The following LINGO1 variants were observed in gnomAD, a reference collection of about 807,000 sequenced individuals.
LINGO1 encodes the protein leucine rich repeat and Ig domain containing 1.
Under a neutral mutation model 37.3 loss-of-function variants are expected in LINGO1, and 11 were observed. The ratio of observed to expected loss-of-function variants is 0.29; its 90% CI spans 0.19 to 0.49. LINGO1 has a LOEUF of 0.49. Ranked by LOEUF, LINGO1 falls within the 20% of genes least tolerant of loss-of-function variation. The pLI, the probability that LINGO1 is intolerant of heterozygous loss-of-function variation, is 0.99. For missense variants in LINGO1, 585 were observed against 878.2 expected (o/e 0.67, Z 4.22); for synonymous variants, 387 against 403.0 (o/e 0.96, Z 0.48).
intron 1 of LINGO1, among the ~76,000 whole-genome samples, chr15:77,692,246 A>C (rs2075616914): frequency 6.6e-6 from 1 of 152,376 alleles, no homozygotes; most frequent in East Asian, 1.9e-4. Context: ...GTGAGGGAAC[A>C]ATGATTACCT....
chr15:77,691,010 A>T (rs2075593425), intron 1 of LINGO1: 1 of 152,274 alleles, frequency 6.6e-6, no homozygotes, highest in African/African-American at 2.4e-5. Flanking sequence ...AGACCAAAGG[A>T]AGATCCCTGG....
chr15:77,750,238 G>C (rs555809682), intron 1 of LINGO1, among the ~76,000 whole-genome samples: 63 of 152,136 alleles, frequency 4.1e-4, no homozygotes, highest in African/African-American at 1.4e-3. Context: ...CTGCCTTCCC[G>C]TGAGGCCGCC....
At chr15:77,755,084 G>GTC (rs2076407015) in intron 1 of LINGO1, among the ~76,000 whole-genome samples, 5 of 152,194 alleles carry the variant, frequency 3.3e-5, no homozygotes, top group Admixed American at 6.5e-5. Context: ...CTCCCTTGAG[G>GTC]CCAAGGCCCT....
chr15:77,720,673 T>A, intron 2 of LINGO1: 2 of 152,322 alleles, frequency 1.3e-5, no homozygotes, highest in Admixed American at 1.3e-4. Flanking sequence ...CATAATTAAG[T>A]CAAGCAAGCT....
At chr15:77,627,254 C>T (rs1476287541) in intron 1 of LINGO1, among the ~76,000 whole-genome samples, 2 of 152,078 alleles carry the variant, frequency 1.3e-5, no homozygotes, top group Admixed American at 6.5e-5. Context: ...CCCCGGTGCT[C>T]GTCTTTAACC....
chr15:77,820,276 C>G (rs2077086936), exon 1 of LINGO1: 1 of 152,264 alleles, frequency 6.6e-6, no homozygotes, highest in Non-Finnish European at 1.5e-5. Context: ...ACCGGCCCCA[C>G]CCGGGGGCCC....
chr15:77,768,977 T>C (rs2076557355), intron 1 of LINGO1, among the ~76,000 whole-genome samples: 1 of 152,198 alleles, frequency 6.6e-6, no homozygotes, highest in Non-Finnish European at 1.5e-5. Flanking sequence ...GTCCCCTCCA[T>C]AGAACCCTGC....
upstream of LINGO1, among the ~76,000 whole-genome samples, chr15:77,700,771 A>G (rs558968697): frequency 6.6e-6 from 1 of 152,342 alleles, no homozygotes; most frequent in East Asian, 1.9e-4. Context: ...AGCCAGAGCC[A>G]GCAAGGTCAG....
chr15:77,808,035 C>T (rs1334334492), intron 1 of LINGO1, among the ~76,000 whole-genome samples: 1 of 152,092 alleles, frequency 6.6e-6, no homozygotes, highest in Non-Finnish European at 1.5e-5. Context: ...AGGAGATGAG[C>T]CTTACCCATG....
chr15:77,629,153 C>T (rs2074179820), intron 1 of LINGO1, among the ~76,000 whole-genome samples: 1 of 152,168 alleles, frequency 6.6e-6, no homozygotes, highest in South Asian at 2.1e-4. Flanking sequence ...AGACTTGAGC[C>T]CAGACTTTTG....
In LINGO1 at chr15:77,621,494, G is replaced by C. The variant is rs139112203; in HGVS notation, c.7-5594C>G. On this transcript the variant is annotated intron_variant, in intron 1 of 1. Coordinates refer to ENST00000355300, the MANE Select transcript of LINGO1 (RefSeq NM_032808.7). ...GGTCACAAAGCCAGAGGGGGGCAGA[G>C]CTCTGTGTCTCCTAGTTGGGCTGCC... Among the ~76,000 whole-genome samples the C allele has an allele frequency of 5.8e-3, 890 of 152,368 alleles. 7 individuals carry two copies. The highest frequency in any genetic ancestry group is 0.024 in the Middle Eastern group (7 of 294).
chr15:77,801,090 G>A lies in LINGO1; in HGVS notation c.-457-5037C>T, dbSNP rs982579206. 8.5e-5 allele frequency among the ~76,000 whole-genome samples: 13 copies of A among 152,170 alleles called. 1 individual carries two copies. The highest frequency in any genetic ancestry group is 3.1e-4 in the African/African-American group (13 of 41,444). ...TGGAGGGGGAATTGGCTCAACCTTT[G>A]GAAGGGTAATTTGGCAACACTGATT... On this transcript the variant is annotated intron_variant, in intron 1 of 5. Transcript: ENST00000562933.
chr15:77,659,718 G>GT (rs2074946138), intron 3 of LINGO1, among the ~76,000 whole-genome samples: 3 of 152,200 alleles, frequency 2.0e-5, no homozygotes, highest in African/African-American at 4.8e-5. Context: ...CATTACCATG[G>GT]GGGGCTGGAT....
chr15:77,724,153 G>A (rs2076079333), intron 2 of LINGO1, among the ~76,000 whole-genome samples: 1 of 152,160 alleles, frequency 6.6e-6, no homozygotes, highest in South Asian at 2.1e-4. Flanking sequence ...TTATCCAATG[G>A]CCCCAGGGTC....
intron 3 of LINGO1, among the ~76,000 whole-genome samples, chr15:77,658,381 C>T (rs2074914122): frequency 6.6e-6 from 1 of 152,224 alleles, no homozygotes; most frequent in Non-Finnish European, 1.5e-5. Context: ...GTACACACTT[C>T]ACCCATTCGC....
chr15:77,778,699 C>A (rs1179213760), intron 1 of LINGO1, among the ~76,000 whole-genome samples: 1 of 152,212 alleles, frequency 6.6e-6, no homozygotes, highest in Non-Finnish European at 1.5e-5. Context: ...CCACGGCCAC[C>A]AGCACAGACC....
chr15:77,789,011 T>A (rs1009371126), upstream of LINGO1, among the ~76,000 whole-genome samples: 1 of 152,204 alleles, frequency 6.6e-6, no homozygotes, highest in Admixed American at 6.5e-5. Context: ...CTCCTCTCCA[T>A]GTCCCTGACA....
At chr15:77,756,926 C>A (rs760479235) in intron 1 of LINGO1, among the ~76,000 whole-genome samples, 22 of 152,226 alleles carry the variant, frequency 1.4e-4, no homozygotes, top group Non-Finnish European at 3.1e-4. Flanking sequence ...CTCAGGGACA[C>A]CTTGGAGCTC....
intron 3 of LINGO1, chr15:77,651,331 G>A (rs2074754190): frequency 6.6e-6 from 1 of 152,220 alleles, no homozygotes; most frequent in Non-Finnish European, 1.5e-5. Context: ...CTGAAAATTT[G>A]CAGGCTGCAT....
Sources: gnomAD v4.1 joint callset for allele counts (sites outside exome capture counted in the v4.1 genomes callset) on GRCh38, gnomAD v4.1.1 for gene constraint, MANE v1.5 for transcripts, NCBI Gene and HGNC (gene_info 2026-07-23, HGNC 2026-07-21) for gene names.